Variants in FNBP1 observed in about 807,000 individuals in gnomAD.
FNBP1 encodes the protein formin binding protein 1.
A neutral mutation model predicts 90.6 loss-of-function variants in FNBP1; 26 were observed. The observed-to-expected ratio is 0.29, with a 90% CI of 0.21 to 0.40. FNBP1 has a LOEUF of 0.40. Ranked by LOEUF, FNBP1 falls within the 10% of genes least tolerant of loss-of-function variation. The pLI, the probability that FNBP1 is intolerant of heterozygous loss-of-function variation, is 1.00. For synonymous variants in FNBP1, 260 were observed against 265.2 expected, an observed-to-expected ratio of 0.98 and a Z score of 0.19; for missense variants, 635 against 768.0, an observed-to-expected ratio of 0.83 and a Z score of 2.05.
At chr9:129,974,646 AC>A (rs2130805413) in intron 4 of FNBP1, among the ~76,000 whole-genome samples, 1 of 151,308 alleles carries the variant, frequency 6.6e-6, no homozygotes, top group Admixed American at 6.6e-5. Flanking sequence ...AATCGCCTGA[AC>A]CCAGGAGTTT....
At chr9:130,018,990 C>T (rs539940988) in intron 1 of FNBP1, among the ~76,000 whole-genome samples, 24 of 152,116 alleles carry the variant, frequency 1.6e-4, no homozygotes, top group African/African-American at 5.3e-4. Flanking sequence ...TTTGGGAAGC[C>T]GAGGCAAGTG....
intron 1 of FNBP1, among the ~76,000 whole-genome samples, chr9:129,995,688 G>A (rs2053883097): frequency 6.6e-6 from 1 of 152,182 alleles, no homozygotes; most frequent in Non-Finnish European, 1.5e-5. Flanking sequence ...TAAAGAATGA[G>A]AGGGGACAGG....
intron 1 of FNBP1, among the ~76,000 whole-genome samples, chr9:129,996,353 C>A (rs1470138557): frequency 4.6e-5 from 7 of 151,862 alleles, no homozygotes; most frequent in Non-Finnish European, 1.5e-5. Context: ...ACTAAGGGGG[C>A]GAGCCAGAGG....
At chr9:130,027,173 C>T (rs2058424687) in intron 1 of FNBP1, among the ~76,000 whole-genome samples, 1 of 151,822 alleles carries the variant, frequency 6.6e-6, no homozygotes, top group South Asian at 2.1e-4. Flanking sequence ...ATGTAAAAAC[C>T]CTGAGATTTT....
At chr9:129,997,844 G>A (rs1220825572) in intron 1 of FNBP1, among the ~76,000 whole-genome samples, 1 of 151,968 alleles carries the variant, frequency 6.6e-6, no homozygotes, top group African/African-American at 2.4e-5. Flanking sequence ...GCAAGACCCT[G>A]TCTCAAAAAA....
At chr9:130,052,687 G>T in the FNBP1 span, among the ~76,000 whole-genome samples, 1 of 151,950 alleles carries the variant, frequency 6.6e-6, no homozygotes, top group Non-Finnish European at 1.5e-5. Context: ...CGCCCGCCTC[G>T]GCGTTCCAAA....
chr9:129,916,698 A>G (rs1252949267), intron 10 of FNBP1, among the ~76,000 whole-genome samples: 2 of 152,182 alleles, frequency 1.3e-5, no homozygotes, highest in African/African-American at 2.4e-5. Context: ...TTTTATACAG[A>G]CGAAAACAAG....
intron 1 of FNBP1, among the ~76,000 whole-genome samples, chr9:130,004,263 G>GAA (rs11327035): frequency 7.3e-6 from 1 of 136,992 alleles, no homozygotes; most frequent in Non-Finnish European, 1.6e-5. Flanking sequence ...ACTCCATCTC[G>GAA]AAAAAAAAAA....
chr9:130,033,868 T>C (rs1157776900), intron 1 of FNBP1, among the ~76,000 whole-genome samples: 2 of 135,196 alleles, frequency 1.5e-5, no homozygotes, highest in African/African-American at 5.6e-5. Context: ...AAAAAAAAAT[T>C]AGCCAGTCAT....
chr9:130,035,806 C>T (rs1219420242), intron 1 of FNBP1, among the ~76,000 whole-genome samples: 1 of 151,926 alleles, frequency 6.6e-6, no homozygotes, highest in Admixed American at 6.6e-5. Flanking sequence ...ATTAGCCAGG[C>T]GTGGTGGCAC....
chr9:130,004,304 T>A (rs2055333651), intron 1 of FNBP1, among the ~76,000 whole-genome samples: 1 of 151,356 alleles, frequency 6.6e-6, no homozygotes, highest in Non-Finnish European at 1.5e-5. Flanking sequence ...TAATTCAAAA[T>A]CCCTGGAATA....
chr9:130,045,206 A>G (rs534944543), upstream of FNBP1: 1 of 152,230 alleles, frequency 6.6e-6, no homozygotes, highest in Admixed American at 6.5e-5. Context: ...ACTGCTAGAT[A>G]TATAACAATG....
intron 4 of FNBP1, among the ~76,000 whole-genome samples, chr9:129,967,304 A>T (rs1462747131): frequency 6.6e-6 from 1 of 152,130 alleles, no homozygotes; most frequent in Non-Finnish European, 1.5e-5. Context: ...TCAGCTGAGG[A>T]CAGGACTCCG....
chr9:129,892,049 G>A (rs1290365366), intron 16 of FNBP1, among the ~76,000 whole-genome samples: 2 of 152,138 alleles, frequency 1.3e-5, no homozygotes, highest in East Asian at 3.8e-4. Flanking sequence ...GTGCGGAGCC[G>A]CAGCGGGGAC....
chr9:129,962,628 C>T (rs1008337350), intron 4 of FNBP1, among the ~76,000 whole-genome samples: 2 of 152,162 alleles, frequency 1.3e-5, no homozygotes, highest in African/African-American at 2.4e-5. Context: ...CTTTTGAGGT[C>T]GAGTTTCACT....
chr9:129,912,336 G>A (rs2039446976), intron 11 of FNBP1, among the ~76,000 whole-genome samples: 1 of 152,132 alleles, frequency 6.6e-6, no homozygotes, highest in Non-Finnish European at 1.5e-5. Context: ...CCAGAACTGA[G>A]AATTTTTTAA....
chr9:129,958,301 G>A (rs571750315), intron 5 of FNBP1, among the ~76,000 whole-genome samples, 190 bp downstream of exon 5: 129 of 152,160 alleles, frequency 8.5e-4, no homozygotes, highest in African/African-American at 2.9e-3. Flanking sequence ...GCATGGTGAC[G>A]TGTGCCTGTA....
At position 130,042,941 on chromosome 9, in the gene FNBP1, C is replaced by T; in HGVS notation, c.24+11G>A. The T allele has an allele frequency of 8.1e-7, 1 of 1,229,660 alleles. No individual in the cohort carries two copies. The highest frequency in any genetic ancestry group is 4.3e-5 in the Admixed American group (1 of 23,432). The allele number at this position is 1,229,660 out of a possible 1,614,324, so 76.2% of individuals were successfully genotyped here. ...CCCCGCATCTGCCCGCGGGCCCAGC[C>T]CCTCACTCACCCAGAGCTCGGTGCC... On this transcript the variant is annotated intron_variant, in intron 1 of 16. Transcript: ENST00000446176. This position sits in a 1 kb window ranked among gnomAD's most constrained non-coding sequence, Gnocchi z 5.5.
rs754337917 is a variant in FNBP1 at position 129,978,597 on chromosome 9, T to G, written c.213A>C (p.Lys71Asn). 8 of 1,613,786 alleles carry G rather than the reference T, an allele frequency of 5.0e-6. No individual in the cohort carries two copies. Among genetic ancestry groups the G allele is most frequent in the Non-Finnish European group, 6.8e-6 (8 of 1,179,862 alleles). ...EEEEYKYTSC[K>N]AFISNLNEMN... ...TTTCGTTCAGGTTGGAAATGAAAGCTTTACATGACGTATACCTATGGAACA... is the reference window on the plus strand; with the variant it reads ...TTTCGTTCAGGTTGGAAATGAAAGCGTTACATGACGTATACCTATGGAACA... Residue 71 changes from lysine to asparagine, a missense_variant, in exon 4 of 17, where the codon AAA (lysine) becomes AAC (asparagine). Physicochemically the swap from Lys to Asn is moderately conservative, Grantham distance 94 (BLOSUM62 0). Transcript: ENST00000446176.
Sources: allele counts gnomAD v4.1 joint callset (sites outside exome capture counted in the v4.1 genomes callset), GRCh38; gene constraint gnomAD v4.1.1; non-coding constraint Gnocchi (gnomAD v3.1); transcripts MANE v1.5; gene names NCBI Gene and HGNC (gene_info 2026-07-23, HGNC 2026-07-21).